WDR48: variants seen among roughly 807,000 people sequenced by gnomAD.
WDR48 encodes the protein WD repeat domain 48.
In WDR48, 22 loss-of-function variants were observed where a neutral mutation model predicts 94.0. The observed-to-expected ratio is 0.23, with a 90% CI of 0.17 to 0.33. The LOEUF is 0.33. Among genes scored for constraint, WDR48 ranks in the 10% least tolerant of loss-of-function variants. The pLI, the probability that WDR48 is intolerant of heterozygous loss-of-function variation, is 1.00. For missense variants in WDR48, 541 were observed against 813.8 expected, an observed-to-expected ratio of 0.66 and a Z score of 4.08; for synonymous variants, 278 against 280.5, an observed-to-expected ratio of 0.99 and a Z score of 0.09.
At chr3:39,078,655 A>G (rs2034358953) in intron 10 of WDR48, among the ~76,000 whole-genome samples, 2 of 151,804 alleles carry the variant, frequency 1.3e-5, no homozygotes, top group Admixed American at 1.3e-4. Context: ...CTGACCTCAA[A>G]TGATCTGCCC....
At chr3:39,079,018 A>C (rs1226063601) in intron 10 of WDR48, among the ~76,000 whole-genome samples, 1 of 139,526 alleles carries the variant, frequency 7.2e-6, no homozygotes, top group Non-Finnish European at 1.5e-5. Context: ...CGACAGAGCG[A>C]GACTCCGTCT....
rs191703786 is a variant in WDR48, at chr3:39,083,242, T to C, written c.1174-913T>C. ...TGGATAATCTTTGAAGAAATTTGAT[T>C]GGAGGGGTAGGCAGGAAGCGGCGGA... On this transcript the variant is annotated intron_variant, in intron 11 of 18. Coordinates refer to ENST00000302313, the MANE Select transcript of WDR48 (RefSeq NM_020839.4). 9.9e-5 allele frequency among the ~76,000 whole-genome samples: 15 copies of C among 152,190 alleles called. No homozygotes were observed. The East Asian group carries it at 2.9e-3, about 29-fold the overall frequency.
chr3:39,066,895 C>A lies in WDR48; in HGVS notation c.481+20C>A. On this transcript the variant is annotated intron_variant, in intron 5 of 18. Transcript: ENST00000302313. ...TCACAAGTAAGGTGTTTAAAAGAAA[C>A]TTCTTTGAAAGTGATCCAAGTTAAC... The A allele has an allele frequency of 6.2e-7, 1 of 1,605,612 alleles. No individual in the cohort carries two copies. The highest frequency in any genetic ancestry group is 2.2e-5 in the East Asian group (1 of 44,804).
intron 2 of WDR48, among the ~76,000 whole-genome samples, chr3:39,064,336 C>T (rs1191918782): frequency 6.6e-6 from 1 of 150,414 alleles, no homozygotes; most frequent in Admixed American, 6.6e-5. Context: ...TGCAGTGGCG[C>T]GATCTTGGCT....
rs544759219 is a variant in WDR48, at chr3:39,080,186, G to C, written c.1173+378G>C. On this transcript the variant is annotated intron_variant, in intron 11 of 18. Coordinates refer to ENST00000302313, the MANE Select transcript of WDR48 (RefSeq NM_020839.4). ...GAACATCTCTAGCCTCCACCCAGTA[G>C]TTGCCAGTAATACCCCTCCCTCCCC... 5.9e-5 allele frequency among the ~76,000 whole-genome samples: 9 copies of C among 152,280 alleles called. No individual in the cohort carries two copies. In the East Asian group the frequency reaches 1.7e-3, roughly 29 times the overall value.
intron 11 of WDR48, among the ~76,000 whole-genome samples, chr3:39,082,366 C>CT (rs2034582108): frequency 6.6e-6 from 1 of 151,900 alleles, no homozygotes; most frequent in African/African-American, 2.4e-5. Flanking sequence ...ACTGCAACCT[C>CT]TGACTCCCTG....
chr3:39,052,051 C>T lies in WDR48; in HGVS notation c.26C>T (p.Thr9Ile). 1.2e-6 allele frequency: 2 copies of T among 1,613,990 alleles called. No individual in the cohort carries two copies. Among genetic ancestry groups the T allele is most frequent in the Non-Finnish European group, 1.7e-6 (2 of 1,179,986 alleles). ...ATGGCGGCCCATCACCGGCAGAACACAGCAGGGCGGAGGAAAGTGCAGGTA... is the reference window on the plus strand; with the variant it reads ...ATGGCGGCCCATCACCGGCAGAACATAGCAGGGCGGAGGAAAGTGCAGGTA... MAAHHRQN[T>I]AGRRKVQVSY... Residue 9 changes from threonine to isoleucine, a missense_variant, in exon 1 of 19, where the codon ACA becomes ATA. Coordinates refer to ENST00000302313, the MANE Select transcript of WDR48 (RefSeq NM_020839.4).
At chr3:39,081,811 A>G (rs1272183712) in intron 11 of WDR48, among the ~76,000 whole-genome samples, 2 of 152,202 alleles carry the variant, frequency 1.3e-5, no homozygotes, top group African/African-American at 4.8e-5. Flanking sequence ...CCTGAGTAGA[A>G]TCCTGCTGTC....
chr3:39,052,209 G>A, intron 1 of WDR48, 136 bp downstream of exon 1: 1 of 1,033,414 alleles, frequency 9.7e-7, no homozygotes, highest in Non-Finnish European at 1.4e-6. Context: ...CCGGCCACGA[G>A]GGGTGGGGCC....
At chr3:39,066,933 T>C (rs777550088) in intron 5 of WDR48, 58 bp downstream of exon 5, 29 of 1,576,922 alleles carry the variant, frequency 1.8e-5, no homozygotes, top group Non-Finnish European at 2.3e-5. Context: ...AAATAAAGAA[T>C]GGTTTATAAA....
chr3:39,069,197 A>G (rs2033789412), intron 6 of WDR48, among the ~76,000 whole-genome samples: 1 of 151,746 alleles, frequency 6.6e-6, no homozygotes, highest in African/African-American at 2.4e-5. Flanking sequence ...TGTCCCTCCA[A>G]CTCCTTAGTG....
chr3:39,059,824 T>A (rs979142373), intron 1 of WDR48, among the ~76,000 whole-genome samples: 1 of 152,220 alleles, frequency 6.6e-6, no homozygotes, highest in African/African-American at 2.4e-5. Context: ...ATGGCAGTTA[T>A]TTTAAAAAAT....
chr3:39,094,571 T>C (rs1176354481), intron 18 of WDR48, 77 bp from the exon 19 acceptor site: 1 of 1,582,312 alleles, frequency 6.3e-7, no homozygotes, highest in African/African-American at 1.4e-5. Context: ...GATCACCTGA[T>C]GAGAGTCCCT....
chr3:39,076,562 G>A (rs565776347), intron 8 of WDR48, among the ~76,000 whole-genome samples: 12 of 152,268 alleles, frequency 7.9e-5, no homozygotes, highest in African/African-American at 2.4e-4. Flanking sequence ...GCAAACCTGC[G>A]GTTTCCTGAT....
rs768901448 is a variant in WDR48 at position 39,066,540 on chromosome 3, T to G, written c.269-8T>G. 1.7e-5 allele frequency: 28 copies of G among 1,612,540 alleles called. No individual in the cohort carries two copies. The highest frequency in any genetic ancestry group is 1.7e-4 in the Middle Eastern group (1 of 6,032). Reference sequence around the variant, plus strand: ...CTAAGGAGTTTGTTAATTCTTTGCTTCTTCTAGTAATATCTGCTTCTTCTG... The same window carrying G: ...CTAAGGAGTTTGTTAATTCTTTGCTGCTTCTAGTAATATCTGCTTCTTCTG... On this transcript the variant is annotated splice_region_variant and splice_polypyrimidine_tract_variant and intron_variant, in intron 3 of 18. Coordinates refer to ENST00000302313, the MANE Select transcript of WDR48 (RefSeq NM_020839.4).
intron 16 of WDR48, chr3:39,090,754 T>A (rs2125684481): frequency 6.6e-6 from 1 of 152,370 alleles, no homozygotes; most frequent in East Asian, 1.9e-4. Flanking sequence ...ACTGTTGGTC[T>A]ATTTTGTATC....
intron 7 of WDR48, among the ~76,000 whole-genome samples, chr3:39,074,391 A>G (rs921412464): frequency 3.9e-5 from 6 of 152,238 alleles, no homozygotes; most frequent in East Asian, 3.8e-4. Context: ...ACAACCTAGC[A>G]TATTTACATG....
chr3:39,065,783 A>T, intron 2 of WDR48, 28 bp from the exon 3 acceptor site: 1 of 1,506,932 alleles, frequency 6.6e-7, no homozygotes, highest in Non-Finnish European at 9.0e-7. Flanking sequence ...TCTCATATAA[A>T]CTCTTAGGAT....
At chr3:39,062,954 A>T in intron 1 of WDR48, 96 bp from the exon 2 acceptor site, 1 of 1,463,666 alleles carries the variant, frequency 6.8e-7, no homozygotes, top group Admixed American at 2.2e-5. Flanking sequence ...ATTGGAAAAC[A>T]TGGGATTTTC....
Sources: allele counts gnomAD v4.1 joint callset (sites outside exome capture counted in the v4.1 genomes callset), GRCh38; gene constraint gnomAD v4.1.1; transcripts MANE v1.5; gene names NCBI Gene and HGNC (gene_info 2026-07-23, HGNC 2026-07-21).